The following ALPK1 variants were observed in gnomAD, a reference collection of about 807,000 sequenced individuals.
ALPK1 encodes the protein alpha-protein kinase 1.
A neutral mutation model predicts 120.6 loss-of-function variants in ALPK1; 110 were observed. The observed-to-expected ratio is 0.91, with a 90% CI of 0.78 to 1.07. ALPK1 has a LOEUF of 1.07. Ranked by LOEUF, ALPK1 falls within the 50% of genes least tolerant of loss-of-function variation. The pLI is 0.00. For synonymous variants in ALPK1, 582 were observed against 560.3 expected (o/e 1.04, Z -0.55); for missense variants, 1,498 against 1,483.9 (o/e 1.01, Z -0.16).
chr4:112,404,650 G>A (rs778001536), intron 4 of ALPK1, among the ~76,000 whole-genome samples: 1 of 152,088 alleles, frequency 6.6e-6, no homozygotes, highest in East Asian at 1.9e-4. Flanking sequence ...ACTGTAATCT[G>A]GGGGTCACTT....
chr4:112,367,141 C>G (rs1440362496), intron 2 of ALPK1, among the ~76,000 whole-genome samples: 1 of 152,146 alleles, frequency 6.6e-6, no homozygotes, highest in African/African-American at 2.4e-5. Context: ...TCAGAAATCA[C>G]CACTAAAGAA....
intron 10 of ALPK1, 32 bp from the exon 11 acceptor site, chr4:112,430,416 A>G (rs749640773): frequency 5.3e-6 from 8 of 1,523,186 alleles, no homozygotes; most frequent in South Asian, 1.3e-5. Flanking sequence ...TTTCAATTCA[A>G]TATCTGATTT....
intron 1 of ALPK1, among the ~76,000 whole-genome samples, chr4:112,308,107 C>T (rs1355763418): frequency 1.3e-5 from 2 of 152,036 alleles, no homozygotes; most frequent in Non-Finnish European, 2.9e-5. Flanking sequence ...GAGTTTCTGC[C>T]GAGAGATCAG....
At chr4:112,401,335 G>A (rs1732905539) in intron 4 of ALPK1, among the ~76,000 whole-genome samples, 1 of 152,214 alleles carries the variant, frequency 6.6e-6, no homozygotes, top group Non-Finnish European at 1.5e-5. Context: ...TCAGTGAATT[G>A]TATGGGTGTC....
chr4:112,318,178 C>T (rs1728719776), intron 2 of ALPK1, among the ~76,000 whole-genome samples: 1 of 152,182 alleles, frequency 6.6e-6, no homozygotes, highest in Admixed American at 6.5e-5. Flanking sequence ...TTTATTTACT[C>T]AACAAACATT....
chr4:112,318,078 A>G (rs539078187), intron 2 of ALPK1, among the ~76,000 whole-genome samples: 180 of 152,318 alleles, frequency 1.2e-3, no homozygotes, highest in African/African-American at 4.0e-3. Flanking sequence ...AGTGAGTAGA[A>G]AGGAATTAAT....
chr4:112,320,134 G>T (rs560424318), intron 2 of ALPK1, among the ~76,000 whole-genome samples: 2 of 152,266 alleles, frequency 1.3e-5, no homozygotes, highest in Admixed American at 1.3e-4. Flanking sequence ...ATCTCAGGGG[G>T]AATGCTTTCA....
intron 8 of ALPK1, among the ~76,000 whole-genome samples, chr4:112,426,962 G>GTCA (rs143060190): frequency 0.04 from 6,038 of 152,258 alleles, 145 homozygotes; most frequent in East Asian, 0.085. Context: ...ATTGAGGAAG[G>GTCA]TCATCTGCCT....
intron 1 of ALPK1, among the ~76,000 whole-genome samples, chr4:112,308,478 T>C (rs986799813): frequency 1.3e-5 from 2 of 152,078 alleles, no homozygotes; most frequent in African/African-American, 4.8e-5. Flanking sequence ...AACTTCTCTT[T>C]TCACTTCATT....
At chr4:112,394,932 C>T (rs890942590) in intron 4 of ALPK1, among the ~76,000 whole-genome samples, 9 of 152,122 alleles carry the variant, frequency 5.9e-5, no homozygotes, top group Non-Finnish European at 1.2e-4. Flanking sequence ...TGTGATCATT[C>T]TTTCTGGCAG....
chr4:112,423,656 C>A (rs1734099563), intron 5 of ALPK1: 5 of 526,260 alleles, frequency 9.5e-6, no homozygotes, highest in Non-Finnish European at 1.8e-5. Context: ...GAAAAGTTTG[C>A]CTCTACTCCT....
chr4:112,371,974 A>G (rs913737536), intron 2 of ALPK1, among the ~76,000 whole-genome samples: 1 of 152,216 alleles, frequency 6.6e-6, no homozygotes, highest in African/African-American at 2.4e-5. Context: ...TCCTTCAAAA[A>G]TACAGATGAG....
At chr4:112,350,924 G>A (rs1488750999) in intron 2 of ALPK1, among the ~76,000 whole-genome samples, 2 of 152,124 alleles carry the variant, frequency 1.3e-5, no homozygotes, top group African/African-American at 4.8e-5. Flanking sequence ...CTATGTGAGC[G>A]TTCTCTCATT....
intron 9 of ALPK1, 114 bp downstream of exon 9, chr4:112,427,779 G>T (rs1273218421): frequency 2.7e-6 from 2 of 731,782 alleles, no homozygotes; most frequent in Non-Finnish European, 4.7e-6. Flanking sequence ...TCAGTGCTGC[G>T]CCTCCTAGAC....
intron 2 of ALPK1, chr4:112,353,104 T>C (rs1270502915): frequency 1.3e-5 from 2 of 151,776 alleles, no homozygotes; most frequent in African/African-American, 4.8e-5. Context: ...GCCTCCTGAG[T>C]AGCTGGGACC....
chr4:112,428,877 A>G (rs980786197), intron 9 of ALPK1, among the ~76,000 whole-genome samples: 1 of 152,228 alleles, frequency 6.6e-6, no homozygotes, highest in Admixed American at 6.5e-5. Context: ...TCTGGCTTCA[A>G]AATGTGCAGT....
chr4:112,298,672 G>C (rs1262694272), intron 1 of ALPK1, among the ~76,000 whole-genome samples: 1 of 152,204 alleles, frequency 6.6e-6, no homozygotes, highest in East Asian at 1.9e-4. Context: ...GTAAAGAAAA[G>C]GCATGTGTAA....
chr4:112,314,682 A>T, intron 1 of ALPK1, among the ~76,000 whole-genome samples: 1 of 152,132 alleles, frequency 6.6e-6, no homozygotes, highest in Non-Finnish European at 1.5e-5. Flanking sequence ...GGGCAGTGGG[A>T]TAATAGAATC....
chr4:112,303,574 T>G (rs1372719455), intron 1 of ALPK1, among the ~76,000 whole-genome samples: 1 of 152,318 alleles, frequency 6.6e-6, no homozygotes, highest in East Asian at 1.9e-4. Context: ...CACCATACCG[T>G]GATCTCCTCC....
Sources: allele counts gnomAD v4.1 joint callset (sites outside exome capture counted in the v4.1 genomes callset), GRCh38; gene constraint gnomAD v4.1.1; transcripts MANE v1.5; gene names NCBI Gene and HGNC (gene_info 2026-07-23, HGNC 2026-07-21).